ERBB4: variants seen among roughly 807,000 people sequenced by gnomAD.
ERBB4 encodes the protein receptor tyrosine-protein kinase erbB-4.
ERBB4 carries 42 observed loss-of-function variants against 158.0 expected under a neutral mutation model. That is an observed-to-expected ratio of 0.27 (90% CI 0.21 to 0.34). The LOEUF is 0.34. Ranked by LOEUF, ERBB4 falls within the 10% of genes least tolerant of loss-of-function variation. The pLI, the probability that ERBB4 is intolerant of heterozygous loss-of-function variation, is 1.00. For synonymous variants in ERBB4, 583 were observed against 558.7 expected (o/e 1.04, Z -0.61); for missense variants, 1,333 against 1,624.1 (o/e 0.82, Z 3.08).
chr2:212,480,780 ATTTAAG>A (rs1388438264), intron 1 of ERBB4, among the ~76,000 whole-genome samples: 1 of 152,182 alleles, frequency 6.6e-6, no homozygotes, highest in African/African-American at 2.4e-5. Flanking sequence ...TTGATTATGT[ATTTAAG>A]TTTATTTGAA....
chr2:212,503,617 A>G (rs898325011), intron 1 of ERBB4, among the ~76,000 whole-genome samples: 10 of 152,200 alleles, frequency 6.6e-5, no homozygotes, highest in African/African-American at 2.4e-4. Context: ...CAAGCCCCCA[A>G]AGGAAAAAAC....
chr2:211,708,287 T>G (rs1424578903), intron 9 of ERBB4, among the ~76,000 whole-genome samples: 2 of 152,148 alleles, frequency 1.3e-5, no homozygotes, highest in Admixed American at 1.3e-4. Context: ...AATTCATTTA[T>G]ATGTTTGTCC....
intron 1 of ERBB4, among the ~76,000 whole-genome samples, chr2:212,488,358 A>T (rs183521346): frequency 2.2e-4 from 33 of 151,300 alleles, no homozygotes; most frequent in African/African-American, 7.7e-4. Flanking sequence ...CTCTCACAAT[A>T]TGCTAAAAAT....
chr2:212,469,716 A>AT (rs546963019), intron 1 of ERBB4, among the ~76,000 whole-genome samples: 77 of 152,178 alleles, frequency 5.1e-4, no homozygotes, highest in African/African-American at 1.7e-3. Flanking sequence ...CAAACAGTAT[A>AT]TTTTTTTAAC....
intron 2 of ERBB4, among the ~76,000 whole-genome samples, chr2:212,037,926 T>A (rs1187705002): frequency 3.9e-5 from 6 of 152,194 alleles, no homozygotes; most frequent in African/African-American, 1.2e-4. Context: ...CAACAGAGAA[T>A]GATTCTTAGA....
intron 1 of ERBB4, among the ~76,000 whole-genome samples, chr2:212,272,006 T>A (rs909781417): frequency 4.0e-5 from 6 of 151,764 alleles, no homozygotes; most frequent in African/African-American, 7.3e-5. Context: ...ACATTTTTTT[T>A]AAAAGACCTA....
At chr2:211,992,571 A>G (rs112601274) in intron 2 of ERBB4, among the ~76,000 whole-genome samples, 15,019 of 147,430 alleles carry the variant, frequency 0.1, 1,186 homozygotes, top group African/African-American at 0.23. Flanking sequence ...GAGAGAGAAA[A>G]AAAAAAAAAA....
At chr2:211,593,519 A>G (rs940507121) in intron 19 of ERBB4, among the ~76,000 whole-genome samples, 1 of 152,226 alleles carries the variant, frequency 6.6e-6, no homozygotes, top group East Asian at 1.9e-4. Flanking sequence ...CTGGAGTTCC[A>G]GTATTTCTTA....
chr2:211,937,604 G>C (rs2080362595), intron 3 of ERBB4, among the ~76,000 whole-genome samples: 2 of 152,064 alleles, frequency 1.3e-5, no homozygotes, highest in Admixed American at 6.6e-5. Flanking sequence ...CACAATCATG[G>C]GAGAAGGGGA....
intron 2 of ERBB4, among the ~76,000 whole-genome samples, chr2:211,955,620 A>G (rs1248725982): frequency 6.6e-6 from 1 of 152,188 alleles, no homozygotes; most frequent in Non-Finnish European, 1.5e-5. Context: ...CTAACTTAAG[A>G]GTATATTCTC....
intron 16 of ERBB4, among the ~76,000 whole-genome samples, chr2:211,651,166 G>A (rs560937320): frequency 3.5e-4 from 54 of 152,262 alleles, no homozygotes; most frequent in African/African-American, 1.2e-3. Context: ...AATGTACAAA[G>A]AGAACCCTGG....
intron 17 of ERBB4, among the ~76,000 whole-genome samples, chr2:211,624,641 A>C (rs1226328417): frequency 6.6e-6 from 1 of 152,224 alleles, no homozygotes; most frequent in Non-Finnish European, 1.5e-5. Flanking sequence ...TAGTTCTAAA[A>C]TTCTATGATT....
At chr2:211,787,314 T>C (rs912245223) in intron 4 of ERBB4, among the ~76,000 whole-genome samples, 1 of 152,202 alleles carries the variant, frequency 6.6e-6, no homozygotes, top group African/African-American at 2.4e-5. Flanking sequence ...ATGAAACAGA[T>C]ACCAGACAGA....
At chr2:212,134,335 C>T (rs912278653) in intron 1 of ERBB4, among the ~76,000 whole-genome samples, 2 of 151,772 alleles carry the variant, frequency 1.3e-5, no homozygotes, top group African/African-American at 4.8e-5. Context: ...TTCATTTGTA[C>T]TGGTATCTTT....
intron 3 of ERBB4, among the ~76,000 whole-genome samples, chr2:211,823,622 C>G (rs1212624259): frequency 6.6e-6 from 1 of 151,934 alleles, no homozygotes; most frequent in Non-Finnish European, 1.5e-5. Flanking sequence ...CTTAAAATAT[C>G]TTCCTTATGC....
At chr2:211,740,736 G>A (rs973512434) in intron 5 of ERBB4, among the ~76,000 whole-genome samples, 3 of 140,640 alleles carry the variant, frequency 2.1e-5, no homozygotes, top group African/African-American at 8.0e-5. Flanking sequence ...TCAGCTTCCC[G>A]AGTAGCTGGG....
chr2:211,947,875 A>T (rs777877256), intron 2 of ERBB4, among the ~76,000 whole-genome samples: 13 of 152,138 alleles, frequency 8.5e-5, no homozygotes, highest in Admixed American at 2.0e-4. Flanking sequence ...TGTTTATGGG[A>T]CCTTCTTCAT....
At chr2:211,588,395 T>C (rs915057836) in intron 19 of ERBB4, among the ~76,000 whole-genome samples, 2 of 152,116 alleles carry the variant, frequency 1.3e-5, no homozygotes, top group Non-Finnish European at 2.9e-5. Flanking sequence ...CATAAATGCT[T>C]GGAACAAATG....
intron 1 of ERBB4, among the ~76,000 whole-genome samples, chr2:212,431,200 T>C (rs2092019292): frequency 6.6e-6 from 1 of 150,522 alleles, no homozygotes; most frequent in African/African-American, 2.4e-5. Flanking sequence ...ATATGTCACA[T>C]GAACTCCTGA....
Sources: gnomAD v4.1 joint callset for allele counts (sites outside exome capture counted in the v4.1 genomes callset) on GRCh38, gnomAD v4.1.1 for gene constraint, MANE v1.5 for transcripts, NCBI Gene and HGNC (gene_info 2026-07-23, HGNC 2026-07-21) for gene names.